TGOLN2: variants seen among roughly 807,000 people sequenced by gnomAD.
TGOLN2 encodes the protein trans-Golgi network integral membrane protein 2.
A neutral mutation model predicts 31.3 loss-of-function variants in TGOLN2; 19 were observed. The observed-to-expected ratio is 0.61, with a 90% CI of 0.42 to 0.89. The LOEUF is 0.89. Among genes scored for constraint, TGOLN2 ranks in the 40% least tolerant of loss-of-function variants. The pLI, the probability that TGOLN2 is intolerant of heterozygous loss-of-function variation, is 0.00. For synonymous variants in TGOLN2, 222 were observed against 226.7 expected (o/e 0.98, Z 0.19); for missense variants, 540 against 559.2 (o/e 0.97, Z 0.35).
At position 85,327,946 on chromosome 2, in the gene TGOLN2, G is replaced by A. The variant is rs181152580; in HGVS notation, c.17C>T (p.Ala6Val). 1.4e-4 allele frequency: 218 copies of A among 1,601,308 alleles called. No homozygotes were observed. In the African/African-American group the frequency reaches 2.8e-3, roughly 20 times the overall value. Residue 6 changes from alanine (A) to valine (V), a missense_variant, in exon 1 of 4, where the codon GCC becomes GTC. Ala to Val is a moderately conservative substitution (Grantham distance 64). Transcript: ENST00000377386. ...CGCTGCGACGTTCAGGAGGACCAAG[G>A]CAACCACGAACCGCATCCTGCTCGG... MRFVV[A>V]LVLLNVAAAG...
In TGOLN2 at chr2:85,325,001, G is replaced by A. The variant is rs772507570; in HGVS notation, c.1225-3C>T. 2 of 1,551,732 alleles carry A rather than the reference G, an allele frequency of 1.3e-6. No homozygotes were observed. Among genetic ancestry groups the A allele is most frequent in the South Asian group, 1.2e-5 (1 of 84,066 alleles). On this transcript the variant is annotated splice_region_variant and splice_polypyrimidine_tract_variant and intron_variant, in intron 2 of 3. Transcript: ENST00000377386. ...CCTTCCAGGACAAAAGCAATGATCT[G>A]AGGAAAGGAAAAAGAAAATGATTAA...
In TGOLN2 at chr2:85,326,772, A is replaced by C. The variant is rs750908634; in HGVS notation, c.960T>G (p.Asp320Glu). 5 of 1,613,916 alleles carry C rather than the reference A, an allele frequency of 3.1e-6. No homozygotes were observed. The highest frequency in any genetic ancestry group is 4.2e-6 in the Non-Finnish European group (5 of 1,179,882). The change falls in exon 2 of 4, where the codon GAT (aspartate) becomes GAG (glutamate). Residue 320 changes from aspartate to glutamate, a missense_variant. Transcript: ENST00000377386. ...CATCTTCAGCCTCTTTGGGCTCCAC[A>C]TCCTCAGTAGGCTCTGAAGACTTAA... ...EEVKSSEPTEDVEPKEAEDDD... is the reference protein window; with the variant it reads ...EEVKSSEPTEEVEPKEAEDDD...
intron 2 of TGOLN2, 46 bp downstream of exon 2, chr2:85,326,462 G>C (rs1452266726): frequency 1.3e-6 from 2 of 1,581,474 alleles, no homozygotes; most frequent in Non-Finnish European, 8.6e-7. Flanking sequence ...AAGCTTCCAG[G>C]GTGCTGGAAA....
intron 3 of TGOLN2, chr2:85,324,590 G>A (rs1396586127): frequency 1.6e-5 from 7 of 442,926 alleles, no homozygotes; most frequent in Admixed American, 4.0e-5. Flanking sequence ...TTGCTATCAG[G>A]TCCTGAGTTT....
intron 1 of TGOLN2, 49 bp downstream of exon 1, chr2:85,327,868 G>C: frequency 6.3e-7 from 1 of 1,582,350 alleles, no homozygotes; most frequent in Non-Finnish European, 8.6e-7. Context: ...GCCCAGGTGA[G>C]AATGGGGGAT....
In TGOLN2 at chr2:85,322,387, G is replaced by C. The variant is rs749945027; in HGVS notation, c.*349C>G. 1 of 377,372 alleles carries C rather than the reference G, an allele frequency of 2.6e-6. No individual in the cohort carries two copies. The highest frequency in any genetic ancestry group is 2.8e-5 in the South Asian group (1 of 35,234). The allele number at this position is 377,372 out of a possible 1,614,324, so 23.4% of individuals were successfully genotyped here. A position where few individuals can be genotyped will look rare whatever the true frequency, so the allele number is the denominator to read the frequency against. On this transcript the variant is annotated 3_prime_UTR_variant, in exon 4 of 4. Transcript: ENST00000377386. ...TCAGCAGCGCAGCCTGCCCAGGCTGGGATCTCCCTTTGGTCATAGCCGTGT... is the reference window on the plus strand; with the variant it reads ...TCAGCAGCGCAGCCTGCCCAGGCTGCGATCTCCCTTTGGTCATAGCCGTGT...
intron 1 of TGOLN2, 111 bp downstream of exon 1, chr2:85,327,806 G>A (rs1682812876): frequency 2.6e-6 from 4 of 1,520,576 alleles, no homozygotes; most frequent in East Asian, 4.9e-5. Flanking sequence ...GGGAGACGAT[G>A]GCGAGCGGAG....
chr2:85,324,151 G>A (rs1417923317), intron 3 of TGOLN2, among the ~76,000 whole-genome samples: 2 of 152,176 alleles, frequency 1.3e-5, no homozygotes, highest in African/African-American at 2.4e-5. Flanking sequence ...GGCCAGGCAC[G>A]GTGGCTTATG....
intron 2 of TGOLN2, 31 bp downstream of exon 2, chr2:85,326,477 A>G (rs770428292): frequency 8.1e-6 from 13 of 1,601,610 alleles, no homozygotes; most frequent in Middle Eastern, 3.3e-4. Flanking sequence ...TGGAAACCCC[A>G]CTCCCCTCCG....
rs1370300179 is a variant in TGOLN2, at chr2:85,322,535, C to T, written c.*201G>A. 3.6e-6 allele frequency: 4 copies of T among 1,118,326 alleles called. No individual in the cohort carries two copies. The highest frequency in any genetic ancestry group is 3.8e-6 in the Non-Finnish European group (3 of 797,454). 69.3% of individuals were successfully genotyped at this position (1,118,326 alleles called of 1,614,324 possible). On this transcript the variant is annotated 3_prime_UTR_variant, in exon 4 of 4. Coordinates refer to ENST00000377386, the MANE Select transcript of TGOLN2 (RefSeq NM_006464.4). ...GTGCAAAGCCCAAAGCAGCCCCCTACCTCTGCCAGCCCAGACCCGCCACTA... is the reference window on the plus strand; with the variant it reads ...GTGCAAAGCCCAAAGCAGCCCCCTATCTCTGCCAGCCCAGACCCGCCACTA...
At position 85,324,981 on chromosome 2, in the gene TGOLN2, C is replaced by T. The variant is rs748503855; in HGVS notation, c.1242G>A (p.Leu414=). 1.9e-6 allele frequency: 3 copies of T among 1,552,612 alleles called. No homozygotes were observed. Among genetic ancestry groups the T allele is most frequent in the Admixed American group, 3.9e-5 (2 of 51,074 alleles). The change falls in exon 3 of 4, where the codon CTG becomes CTA. Residue 414 remains leucine, a synonymous_variant. Coordinates refer to ENST00000377386, the MANE Select transcript of TGOLN2 (RefSeq NM_006464.4). ...HNKRKIIAFV[L]EGKRSKVTRR... is the part of the protein sequence containing the mutation. The stretch of plus-strand genomic sequence containing the variant: ...GGGTGACTTTAGATCTTTTTCCTTC[C>T]AGGACAAAAGCAATGATCTGAGGAA...
Position 85,318,706 on chromosome 2 carries a change from C to T in TGOLN2, c.*4030G>A, listed in dbSNP as rs1234679932. ...AGGGAAATTCCAGAGGTTTAGAATT[C>T]TATCAGCACATGTGTCACTGGAAGC... On this transcript the variant is annotated 3_prime_UTR_variant, in exon 4 of 4. Coordinates refer to ENST00000377386, the MANE Select transcript of TGOLN2 (RefSeq NM_006464.4). The T allele has an allele frequency of 6.6e-6, 1 of 152,278 alleles. No homozygotes were observed. Among genetic ancestry groups the T allele is most frequent in the Non-Finnish European group, 1.5e-5 (1 of 68,080 alleles). The allele number at this position is 152,278 out of a possible 1,614,324, so 9.4% of individuals were successfully genotyped here. A position where few individuals can be genotyped will look rare whatever the true frequency, so the allele number is the denominator to read the frequency against.
chr2:85,321,111 G>T lies in TGOLN2; in HGVS notation c.*1625C>A. On this transcript the variant is annotated 3_prime_UTR_variant, in exon 4 of 4. Coordinates refer to ENST00000377386, the MANE Select transcript of TGOLN2 (RefSeq NM_006464.4). ...AGATGGGCACAACCAGAAAACATGAGGAGGGGAAAGGAAGGGAAAAGGAAG... is the reference window on the plus strand; with the variant it reads ...AGATGGGCACAACCAGAAAACATGATGAGGGGAAAGGAAGGGAAAAGGAAG... 1 of 152,592 alleles carries T rather than the reference G, an allele frequency of 6.6e-6. No individual in the cohort carries two copies. 9.5% of individuals were successfully genotyped at this position (152,592 alleles called of 1,614,324 possible).
At position 85,321,535 on chromosome 2, in the gene TGOLN2, T is replaced by C. The variant is rs1464650897; in HGVS notation, c.*1201A>G. On this transcript the variant is annotated 3_prime_UTR_variant, in exon 4 of 4. Coordinates refer to ENST00000377386, the MANE Select transcript of TGOLN2 (RefSeq NM_006464.4). ...TTAGAAAAGATAAACCTTCAAACAA[T>C]AGTGTTGTCCAAGACACTACCCTCA... 1 of 152,622 alleles carries C rather than the reference T, an allele frequency of 6.6e-6. No individual in the cohort carries two copies. Among genetic ancestry groups the C allele is most frequent in the Admixed American group, 6.5e-5 (1 of 15,272 alleles). The allele number at this position is 152,622 out of a possible 1,614,324, so 9.5% of individuals were successfully genotyped here. A position where few individuals can be genotyped will look rare whatever the true frequency, so the allele number is the denominator to read the frequency against.
At position 85,324,903 on chromosome 2, in the gene TGOLN2, CTCCT is replaced by C; in HGVS notation, c.1308+8_1308+11del. On this transcript the variant is annotated splice_region_variant and intron_variant, in intron 3 of 3. Coordinates refer to ENST00000377386, the MANE Select transcript of TGOLN2 (RefSeq NM_006464.4). ...CCTATCCCTCCCATGGACCTGGCTC[CTCCT>C]TCCTTACCTTCTGGTCCAAACGTTG... The C allele has an allele frequency of 6.4e-7, 1 of 1,553,142 alleles. No individual in the cohort carries two copies. The highest frequency in any genetic ancestry group is 8.7e-7 in the Non-Finnish European group (1 of 1,147,530).
At chr2:85,323,712 A>G (rs908058715) in intron 3 of TGOLN2, among the ~76,000 whole-genome samples, 3 of 152,252 alleles carry the variant, frequency 2.0e-5, no homozygotes, top group Admixed American at 6.5e-5. Context: ...TTCTGTAGCT[A>G]ATATTGAGTT....
intron 1 of TGOLN2, 113 bp from the exon 2 acceptor site, chr2:85,327,798 G>GGGGGGGGT: frequency 6.8e-7 from 1 of 1,473,588 alleles, no homozygotes; most frequent in Non-Finnish European, 9.2e-7. Context: ...GGTGGGGCGG[G>GGGGGGGGT]AGACGATGGC....
intron 3 of TGOLN2, 47 bp downstream of exon 3, chr2:85,324,867 TG>T (rs765061311): frequency 1.3e-6 from 2 of 1,510,434 alleles, no homozygotes; most frequent in South Asian, 2.4e-5. Flanking sequence ...CATCTGACGT[TG>T]CCTATCCCTC....
chr2:85,318,826 CCT>C lies in TGOLN2; in HGVS notation c.*3908_*3909del, dbSNP rs16346. The C allele has an allele frequency of 0.21, 32,437 of 152,144 alleles. 4,303 individuals carry two copies. The highest frequency in any genetic ancestry group is 0.37 in the African/African-American group (15,176 of 41,438). 9.4% of individuals were successfully genotyped at this position (152,144 alleles called of 1,614,324 possible). ...CTACACAGACTGGCCTTCAACTTCC[CCT>C]GAGTCCAGAAGTAGACTCTTTCAGC... On this transcript the variant is annotated 3_prime_UTR_variant, in exon 4 of 4. Coordinates refer to ENST00000377386, the MANE Select transcript of TGOLN2 (RefSeq NM_006464.4).
Sources: allele counts gnomAD v4.1 joint callset (sites outside exome capture counted in the v4.1 genomes callset), GRCh38; gene constraint gnomAD v4.1.1; transcripts MANE v1.5; gene names NCBI Gene and HGNC (gene_info 2026-07-23, HGNC 2026-07-21).